Variants in LINGO1 observed in about 807,000 individuals in gnomAD.
The protein encoded by LINGO1 is leucine rich repeat and Ig domain containing 1, also known as leucine-rich repeat and immunoglobulin-like domain-containing nogo receptor-interacting protein 1.
LINGO1 carries 11 observed loss-of-function variants against 37.3 expected under a neutral mutation model. The ratio of observed to expected loss-of-function variants is 0.29; its 90% confidence interval spans 0.19 to 0.49. The LOEUF is 0.49. LINGO1 is among the 20% of genes least tolerant of loss of function. The probability of loss-of-function intolerance (pLI) is 0.99; values close to 1 mark genes in which losing one functional copy is unlikely to be tolerated. For missense variants in LINGO1, 585 were observed against 878.2 expected, an observed-to-expected ratio of 0.67 and a Z score of 4.22; for synonymous variants, 387 against 403.0, an observed-to-expected ratio of 0.96 and a Z score of 0.48.
At chr15:77,645,612 G>A (rs897529479) in intron 3 of LINGO1, among the ~76,000 whole-genome samples, 21 of 152,230 alleles carry the variant, frequency 1.4e-4, no homozygotes, top group Admixed American at 6.5e-4. Flanking sequence ...AGGCCAGTGG[G>A]TCTCTGACTG....
Position 77,613,745 on chromosome 15 carries a change from T to C in LINGO1, c.*299A>G. 2.7e-6 allele frequency: 1 copy of C among 374,220 alleles called. No homozygotes were observed. The highest frequency in any genetic ancestry group is 8.3e-5 in the South Asian group (1 of 11,988). 23.2% of individuals were successfully genotyped at this position (374,220 alleles called of 1,614,324 possible). Reference sequence around the variant, plus strand: ...ATTGAAACCCAAGTTACAGAGAAAGTTCGTAACTTTTTTATTGAATTATTG... The same window carrying C: ...ATTGAAACCCAAGTTACAGAGAAAGCTCGTAACTTTTTTATTGAATTATTG... On this transcript the variant is annotated 3_prime_UTR_variant, in exon 2 of 2. Transcript: ENST00000355300.
chr15:77,758,503 G>A (rs978323821), intron 1 of LINGO1, among the ~76,000 whole-genome samples: 4 of 152,112 alleles, frequency 2.6e-5, no homozygotes, highest in Admixed American at 2.0e-4. Flanking sequence ...AGAGACAGCT[G>A]TACCTGGGGC....
intron 3 of LINGO1, among the ~76,000 whole-genome samples, chr15:77,652,530 G>GTGTGTGTGTGTGTGT (rs1461851046): frequency 6.9e-6 from 1 of 144,772 alleles, no homozygotes; most frequent in African/African-American, 2.7e-5. Flanking sequence ...GTGTGTGTGT[G>GTGTGTGTGTGTGTGT]TTGCCAGAAT....
chr15:77,788,242 T>A (rs1179910271), upstream of LINGO1: 5 of 152,208 alleles, frequency 3.3e-5, no homozygotes, highest in African/African-American at 1.2e-4. Context: ...GATTCAGTGA[T>A]TGCCCCCTAT....
intron 2 of LINGO1, among the ~76,000 whole-genome samples, chr15:77,734,178 G>A (rs1245991022): frequency 2.0e-5 from 3 of 152,282 alleles, no homozygotes; most frequent in African/African-American, 7.2e-5. Context: ...TACTGCTGCT[G>A]CAGGCTTGTG....
intron 2 of LINGO1, among the ~76,000 whole-genome samples, chr15:77,723,511 G>A (rs757828999): frequency 2.0e-5 from 3 of 152,182 alleles, no homozygotes; most frequent in Admixed American, 6.5e-5. Flanking sequence ...CTTTACCTGC[G>A]CCTCTCCATC....
At chr15:77,687,053 C>T (rs542533777) in intron 2 of LINGO1, among the ~76,000 whole-genome samples, 39 of 152,296 alleles carry the variant, frequency 2.6e-4, no homozygotes, top group African/African-American at 9.1e-4. Context: ...GGCATATCCA[C>T]GACAATGCTG....
chr15:77,671,986 C>T lies in LINGO1; in HGVS notation c.-13+5103G>A, dbSNP rs551642167. The stretch of plus-strand genomic sequence containing the variant: ...TTCCTGACCTTCCTAAGACCAAACA[C>T]ATGATGAGCCTCTGCCTCCTCCTCC... On this transcript the variant is annotated intron_variant, in intron 3 of 3. Transcript: ENST00000559893. Among the ~76,000 whole-genome samples, 4 of 151,508 alleles carry T rather than the reference C, an allele frequency of 2.6e-5. No individual in the cohort carries two copies. In the South Asian group the frequency reaches 8.4e-4, roughly 32 times the overall value.
At chr15:77,756,144 C>A (rs536228630) in intron 1 of LINGO1, among the ~76,000 whole-genome samples, 1 of 152,206 alleles carries the variant, frequency 6.6e-6, no homozygotes, top group Non-Finnish European at 1.5e-5. Flanking sequence ...AAGGGCCAGG[C>A]AGGCCCAGGC....
At chr15:77,725,563 C>CAAAT (rs542901199) in intron 2 of LINGO1, among the ~76,000 whole-genome samples, 120 of 152,180 alleles carry the variant, frequency 7.9e-4, no homozygotes, top group African/African-American at 2.2e-3. Context: ...ACCCTGTCTC[C>CAAAT]AAATAAATAA....
chr15:77,718,892 C>T (rs1426527516), intron 2 of LINGO1, among the ~76,000 whole-genome samples: 1 of 150,670 alleles, frequency 6.6e-6, no homozygotes, highest in Admixed American at 6.6e-5. Context: ...GGTGGTAGGG[C>T]GAGAAGAAGC....
chr15:77,686,343 G>T (rs1282169775), intron 2 of LINGO1, among the ~76,000 whole-genome samples: 5 of 152,192 alleles, frequency 3.3e-5, no homozygotes, highest in Non-Finnish European at 1.5e-5. Context: ...CTCAGGCTAT[G>T]TTCACTCAGG....
At chr15:77,710,659 G>A (rs960587304) in intron 2 of LINGO1, among the ~76,000 whole-genome samples, 1 of 152,204 alleles carries the variant, frequency 6.6e-6, no homozygotes, top group Non-Finnish European at 1.5e-5. Context: ...ACTTTGCCGC[G>A]GTGCTGGCTT....
intron 2 of LINGO1, among the ~76,000 whole-genome samples, chr15:77,714,294 G>T (rs900279182): frequency 6.6e-6 from 1 of 151,816 alleles, no homozygotes; most frequent in African/African-American, 2.4e-5. Context: ...CCTCCATCAT[G>T]TCTGCCTCAC....
chr15:77,654,793 GA>G (rs1283284020), intron 3 of LINGO1, among the ~76,000 whole-genome samples: 1 of 152,176 alleles, frequency 6.6e-6, no homozygotes, highest in Middle Eastern at 3.2e-3. Flanking sequence ...GTGTTACATG[GA>G]AATAATGCTA....
intron 1 of LINGO1, among the ~76,000 whole-genome samples, chr15:77,810,346 GCA>G (rs138640024): frequency 5.4e-5 from 8 of 148,930 alleles, no homozygotes; most frequent in African/African-American, 7.5e-5. Flanking sequence ...ACACACACAT[GCA>G]CACACACACA....
chr15:77,813,296 G>A (rs1402866876), intron 1 of LINGO1, among the ~76,000 whole-genome samples: 2 of 152,210 alleles, frequency 1.3e-5, no homozygotes, highest in East Asian at 3.9e-4. Flanking sequence ...CCACGGACAG[G>A]GATGGGGGAG....
At chr15:77,623,916 TGATGTGTGTGTGTGGA>T (rs1336007146) in intron 1 of LINGO1, among the ~76,000 whole-genome samples, 10 of 139,966 alleles carry the variant, frequency 7.1e-5, no homozygotes, top group African/African-American at 3.0e-4. Context: ...TGTGTGTGAC[TGATGTGTGTGTGTGGA>T]CTGTGTATGT....
intron 1 of LINGO1, 98 bp from the exon 2 acceptor site, chr15:77,615,998 CGAT>C: frequency 1.2e-6 from 1 of 842,606 alleles, no homozygotes; most frequent in Non-Finnish European, 1.7e-6. Context: ...TGCCCTGTCA[CGAT>C]GACCCTGATG....
Sources: allele counts gnomAD v4.1 joint callset (sites outside exome capture counted in the v4.1 genomes callset), GRCh38; gene constraint gnomAD v4.1.1; transcripts MANE v1.5; gene names NCBI Gene and HGNC (gene_info 2026-07-23, HGNC 2026-07-21).